The following RBFOX2 variants were observed in gnomAD, a reference collection of about 807,000 sequenced individuals.
The protein encoded by RBFOX2 is RNA binding fox-1 homolog 2, also known as RNA binding protein fox-1 homolog 2.
A neutral mutation model predicts 49.1 loss-of-function variants in RBFOX2; 10 were observed. The ratio of observed to expected loss-of-function variants is 0.20; its 90% CI spans 0.13 to 0.35. The LOEUF (loss-of-function observed/expected upper bound fraction) is 0.35. Ranked by LOEUF, RBFOX2 falls within the 10% of genes least tolerant of loss-of-function variation. The probability of loss-of-function intolerance (pLI) is 1.00; values close to 1 mark genes in which losing one functional copy is unlikely to be tolerated. For synonymous variants in RBFOX2, 183 were observed against 187.4 expected (o/e 0.98, Z 0.19); for missense variants, 323 against 486.9 (o/e 0.66, Z 3.17).
At chr22:35,951,743 T>C (rs1425740790) in intron 1 of RBFOX2, among the ~76,000 whole-genome samples, 2 of 152,232 alleles carry the variant, frequency 1.3e-5, no homozygotes, top group African/African-American at 4.8e-5. Context: ...TATCACTTTA[T>C]AGTAAGGAAA....
chr22:36,015,564 A>C (rs556781193), intron 1 of RBFOX2, among the ~76,000 whole-genome samples: 6 of 152,230 alleles, frequency 3.9e-5, no homozygotes, highest in Non-Finnish European at 8.8e-5. Context: ...AACATCTTTC[A>C]ATTTTGCCAG....
chr22:35,744,174 G>A, exon 12 of RBFOX2: 9 of 1,601,308 alleles, frequency 5.6e-6, no homozygotes, highest in Non-Finnish European at 7.7e-6. Context: ...GAACTGGGGG[G>A]CTGTCCCATT....
intron 1 of RBFOX2, among the ~76,000 whole-genome samples, chr22:35,883,358 T>A (rs978211628): frequency 6.6e-6 from 1 of 152,232 alleles, no homozygotes; most frequent in African/African-American, 2.4e-5. Context: ...TACCTCTACC[T>A]TGGGCTCCTG....
intron 1 of RBFOX2, chr22:35,995,386 C>T (rs1016584110): frequency 1.3e-5 from 2 of 152,206 alleles, no homozygotes; most frequent in African/African-American, 4.8e-5. Context: ...TTTGCCTCCT[C>T]TCCGCCGGCA....
At chr22:35,936,318 T>C (rs1258105123) in intron 1 of RBFOX2, among the ~76,000 whole-genome samples, 2 of 151,588 alleles carry the variant, frequency 1.3e-5, no homozygotes, top group Non-Finnish European at 2.9e-5. Context: ...GTTCCTCGAT[T>C]TGCTGAGCCA....
intron 2 of RBFOX2, among the ~76,000 whole-genome samples, chr22:35,802,778 G>A (rs1010399306): frequency 1.3e-5 from 2 of 152,168 alleles, no homozygotes; most frequent in East Asian, 3.9e-4. Flanking sequence ...AAAGAAAAGA[G>A]TCACAAAAGG....
chr22:35,794,937 A>C (rs1048256730), intron 2 of RBFOX2, among the ~76,000 whole-genome samples: 2 of 152,268 alleles, frequency 1.3e-5, no homozygotes, highest in Admixed American at 1.3e-4. Context: ...CAAAGAGAAG[A>C]AGCAACAGTC....
At chr22:35,963,059 C>CA (rs34027896), upstream of RBFOX2, among the ~76,000 whole-genome samples, 1,389 of 33,458 alleles carry the variant, frequency 0.042, 268 homozygotes, top group African/African-American at 0.074. Flanking sequence ...AACTCTCCAG[C>CA]AAAAAAAAAA....
intron 1 of RBFOX2, among the ~76,000 whole-genome samples, chr22:35,818,957 T>C (rs1947283647): frequency 6.6e-6 from 1 of 152,184 alleles, no homozygotes; most frequent in African/African-American, 2.4e-5. Context: ...ATGATATACA[T>C]ATAGTAACAG....
At chr22:35,865,982 C>G (rs377074837) in intron 1 of RBFOX2, among the ~76,000 whole-genome samples, 37 of 152,258 alleles carry the variant, frequency 2.4e-4, no homozygotes, top group African/African-American at 8.2e-4. Context: ...GCCAGTGTGT[C>G]TAAGATGGAT....
chr22:35,879,279 T>G (rs1445378331), intron 1 of RBFOX2, among the ~76,000 whole-genome samples: 2 of 152,124 alleles, frequency 1.3e-5, no homozygotes, highest in Non-Finnish European at 2.9e-5. Context: ...GCAGGAGAAA[T>G]AATTCGTACT....
At chr22:35,761,430 G>T (rs1423610191) in exon 7 of RBFOX2, 1 of 1,613,990 alleles carries the variant, frequency 6.2e-7, no homozygotes, top group Non-Finnish European at 8.5e-7. Context: ...TATAACTCCG[G>T]ACCATATACA....
At position 35,759,747 on chromosome 22, in the gene RBFOX2, A is replaced by T; in HGVS notation, c.887+141T>A. ...TGGTATATTTTGTTTTTTGTCATCT[A>T]ATCTGTTAATTTGCAAATATTCACT... is the stretch of plus-strand genomic sequence containing the variant. On this transcript the variant is annotated intron_variant, in intron 9 of 11. Transcript: ENST00000405409. The surrounding 1 kb of genome is among the most constrained non-coding windows in gnomAD (Gnocchi z 4.6). The T allele has an allele frequency of 6.2e-6, 7 of 1,135,914 alleles. No individual in the cohort carries two copies. Among genetic ancestry groups the T allele is most frequent in the South Asian group, 3.1e-5 (2 of 63,808 alleles). The allele number at this position is 1,135,914 out of a possible 1,614,324, so 70.4% of individuals were successfully genotyped here.
intron 1 of RBFOX2, among the ~76,000 whole-genome samples, chr22:36,022,232 C>T (rs132597): frequency 0.11 from 17,079 of 152,260 alleles, 1,260 homozygotes; most frequent in Admixed American, 0.22. Context: ...TAGCAACATT[C>T]TTGTTTATAC....
chr22:35,865,593 G>T (rs2043586027), intron 1 of RBFOX2, among the ~76,000 whole-genome samples: 3 of 150,622 alleles, frequency 2.0e-5, no homozygotes, highest in Admixed American at 2.0e-4. Flanking sequence ...GATAGAAGAG[G>T]GATTCACTTT....
At chr22:36,001,393 A>C (rs1248181755) in intron 1 of RBFOX2, among the ~76,000 whole-genome samples, 1 of 152,190 alleles carries the variant, frequency 6.6e-6, no homozygotes, top group Non-Finnish European at 1.5e-5. Flanking sequence ...AATTCTTTTG[A>C]ACCTGAGTTT....
At chr22:35,766,868 G>A (rs570462161) in intron 5 of RBFOX2, among the ~76,000 whole-genome samples, 11 of 152,094 alleles carry the variant, frequency 7.2e-5, no homozygotes, top group Non-Finnish European at 1.0e-4. Context: ...CAACAGCTGC[G>A]TGTAACTGAA....
upstream of RBFOX2, among the ~76,000 whole-genome samples, chr22:35,942,445 C>G (rs536256483): frequency 1.3e-5 from 2 of 152,008 alleles, no homozygotes; most frequent in Admixed American, 6.5e-5. Context: ...ATTTTCAAAA[C>G]AGTGTTGTTT....
intron 1 of RBFOX2, among the ~76,000 whole-genome samples, chr22:35,991,156 A>G (rs1410857918): frequency 6.6e-6 from 1 of 152,108 alleles, no homozygotes. Context: ...GAGATAGAGG[A>G]TGTAAAGTCC....
Sources: gnomAD v4.1 joint callset for allele counts (sites outside exome capture counted in the v4.1 genomes callset) on GRCh38, gnomAD v4.1.1 for gene constraint, Gnocchi (gnomAD v3.1) non-coding constraint, MANE v1.5 for transcripts, NCBI Gene and HGNC (gene_info 2026-07-23, HGNC 2026-07-21) for gene names.